Variants in FRMD3 observed in about 807,000 individuals in gnomAD.
The protein encoded by FRMD3 is FERM domain containing 3.
Under a neutral mutation model 70.2 loss-of-function variants are expected in FRMD3, and 33 were observed. The ratio of observed to expected loss-of-function variants is 0.47; its 90% CI spans 0.36 to 0.63. FRMD3 has a LOEUF of 0.63. Among genes scored for constraint, FRMD3 ranks in the 20% least tolerant of loss-of-function variants. The pLI is 0.00. For synonymous variants in FRMD3, 279 were observed against 255.9 expected (o/e 1.09, Z -0.86); for missense variants, 632 against 711.4 (o/e 0.89, Z 1.27).
At chr9:83,303,335 A>G (rs976985267) in intron 10 of FRMD3, among the ~76,000 whole-genome samples, 77 of 152,320 alleles carry the variant, frequency 5.1e-4, no homozygotes, top group Non-Finnish European at 5.9e-4. Context: ...AGGTTTAATC[A>G]CTTTACCATG....
chr9:83,450,347 G>GTTTTTTTTTTTTTTTTTTTTTTTTTT (rs763340189), intron 1 of FRMD3, among the ~76,000 whole-genome samples: 1 of 111,600 alleles, frequency 9.0e-6, no homozygotes. Context: ...GTCACCCTCA[G>GTTTTTTTTTTTTTTTTTTTTTTTTTT]TTTTTTTTTT....
At chr9:83,323,351 CTA>C (rs1355310990) in intron 6 of FRMD3, among the ~76,000 whole-genome samples, 3 of 152,192 alleles carry the variant, frequency 2.0e-5, no homozygotes, top group Non-Finnish European at 4.4e-5. Context: ...AAGCTACACG[CTA>C]TGAGATGAAT....
intron 13 of FRMD3, among the ~76,000 whole-genome samples, chr9:83,261,102 G>GATACACACACAC (rs71498040): frequency 2.3e-5 from 3 of 133,038 alleles, no homozygotes; most frequent in South Asian, 2.7e-4. Flanking sequence ...AGGAAACTTA[G>GATACACACACAC]ACACACACAC....
At chr9:83,343,486 C>T (rs1173446039) in intron 4 of FRMD3, among the ~76,000 whole-genome samples, 199 bp from the exon 5 acceptor site, 1 of 151,990 alleles carries the variant, frequency 6.6e-6, no homozygotes, top group African/African-American at 2.4e-5. Context: ...GAAGTGTCTG[C>T]CGAGCAGATC....
At chr9:83,561,711 A>G in the FRMD3 span, among the ~76,000 whole-genome samples, 1 of 152,234 alleles carries the variant, frequency 6.6e-6, no homozygotes. Flanking sequence ...TGCTGACTCA[A>G]AATGATTCAC....
the FRMD3 span, among the ~76,000 whole-genome samples, chr9:83,549,361 G>A: frequency 6.6e-6 from 1 of 152,080 alleles, no homozygotes; most frequent in Non-Finnish European, 1.5e-5. Flanking sequence ...TTACTGATGG[G>A]CATTTAGGTT....
intron 2 of FRMD3, among the ~76,000 whole-genome samples, chr9:83,374,706 G>A (rs1262806181): frequency 2.0e-5 from 3 of 152,192 alleles, no homozygotes; most frequent in Non-Finnish European, 4.4e-5. Context: ...TGCATGAAAT[G>A]TGAAAATACT....
chr9:83,356,566 G>A lies in FRMD3; in HGVS notation c.296-6809C>T, dbSNP rs143911922. Among the ~76,000 whole-genome samples, 432 of 151,492 alleles carry A rather than the reference G, an allele frequency of 2.9e-3. 2 individuals carry two copies. The highest frequency in any genetic ancestry group is 0.01 in the African/African-American group (419 of 41,310). ...GCTGGGATTACAGGGGTGAGCCACCGCGCCCGGCCAGCAGCTTTTTTTTTT... is the reference window on the plus strand; with the variant it reads ...GCTGGGATTACAGGGGTGAGCCACCACGCCCGGCCAGCAGCTTTTTTTTTT... On this transcript the variant is annotated intron_variant, in intron 3 of 13. Coordinates refer to ENST00000304195, the MANE Select transcript of FRMD3 (RefSeq NM_174938.6).
intron 1 of FRMD3, among the ~76,000 whole-genome samples, chr9:83,401,503 A>T (rs28445418): frequency 8.9e-4 from 135 of 152,322 alleles, no homozygotes; most frequent in African/African-American, 3.1e-3. Flanking sequence ...GCCAAGATAT[A>T]TCAGTCAGGA....
At chr9:83,521,204 G>A (rs749352702) in intron 1 of FRMD3, among the ~76,000 whole-genome samples, 5 of 149,760 alleles carry the variant, frequency 3.3e-5, no homozygotes, top group Non-Finnish European at 6.0e-5. Flanking sequence ...CTTCATCACT[G>A]AAGGTCACAA....
chr9:83,555,903 G>T, the FRMD3 span, among the ~76,000 whole-genome samples: 121,785 of 152,066 alleles, frequency 0.8, 49,244 homozygotes, highest in Admixed American at 0.86. Flanking sequence ...GAGAAGCGTG[G>T]TTTCCCGGGA....
intron 3 of FRMD3, among the ~76,000 whole-genome samples, chr9:83,368,662 C>G (rs1364206125): frequency 6.6e-6 from 1 of 151,898 alleles, no homozygotes; most frequent in Non-Finnish European, 1.5e-5. Flanking sequence ...TTTAATTATC[C>G]CTATTTTCAA....
chr9:83,280,151 G>C (rs1045310265), intron 13 of FRMD3, among the ~76,000 whole-genome samples: 2 of 152,180 alleles, frequency 1.3e-5, no homozygotes, highest in African/African-American at 4.8e-5. Flanking sequence ...ATCTCATCAT[G>C]TGTTACAGAA....
intron 1 of FRMD3, among the ~76,000 whole-genome samples, chr9:83,440,382 C>T (rs181800636): frequency 1.1e-3 from 168 of 152,270 alleles, no homozygotes; most frequent in Non-Finnish European, 1.9e-3. Context: ...GAGTAATGGT[C>T]CAGTTTCTGA....
At chr9:83,549,918 T>C in the FRMD3 span, among the ~76,000 whole-genome samples, 1 of 152,210 alleles carries the variant, frequency 6.6e-6, no homozygotes, top group Non-Finnish European at 1.5e-5. Context: ...ATTCTGTTGA[T>C]AGTTTGTTTT....
Position 83,357,224 on chromosome 9 carries a change from TTTTATATATATATAA to T in FRMD3, c.296-7482_296-7468del, listed in dbSNP as rs1564032252. Among the ~76,000 whole-genome samples the T allele has an allele frequency of 2.8e-3, 78 of 27,984 alleles. 3 individuals are homozygous for T. Among genetic ancestry groups the T allele is most frequent in the African/African-American group, 0.016 (76 of 4,762 alleles). 18.4% of individuals were successfully genotyped at this position (27,984 alleles called of 152,430 possible). A position where few individuals can be genotyped will look rare whatever the true frequency, so the allele number is the denominator to read the frequency against. On this transcript the variant is annotated intron_variant, in intron 3 of 13. Coordinates refer to ENST00000304195, the MANE Select transcript of FRMD3 (RefSeq NM_174938.6). The stretch of plus-strand genomic sequence containing the variant: ...ATATAACATACATGGAATATATATA[TTTTATATATATATAA>T]TACATACATATATATATATATATAT...
chr9:83,368,344 T>G, intron 3 of FRMD3, among the ~76,000 whole-genome samples: 1 of 106,246 alleles, frequency 9.4e-6, no homozygotes, highest in East Asian at 2.1e-4. Context: ...ATTTTATTAT[T>G]TTTCTGAGAC....
At chr9:83,337,123 C>T (rs1256214003) in intron 5 of FRMD3, among the ~76,000 whole-genome samples, 2 of 152,142 alleles carry the variant, frequency 1.3e-5, no homozygotes, top group Non-Finnish European at 2.9e-5. Flanking sequence ...CTGTGCCTTC[C>T]TTTTGTGACT....
intron 1 of FRMD3, among the ~76,000 whole-genome samples, chr9:83,457,004 C>T (rs548729040): frequency 6.6e-6 from 1 of 152,040 alleles, no homozygotes; most frequent in South Asian, 2.1e-4. Context: ...AAAAACAACG[C>T]AAACTAAGAG....
Sources: gnomAD v4.1 joint callset for allele counts (sites outside exome capture counted in the v4.1 genomes callset) on GRCh38, gnomAD v4.1.1 for gene constraint, MANE v1.5 for transcripts, NCBI Gene and HGNC (gene_info 2026-07-23, HGNC 2026-07-21) for gene names.